Variants in KHDRBS2 observed in about 807,000 individuals in gnomAD.
The protein encoded by KHDRBS2 is KH domain-containing, RNA-binding, signal transduction-associated protein 2.
Under a neutral mutation model 44.3 loss-of-function variants are expected in KHDRBS2, and 26 were observed. That is an observed-to-expected ratio of 0.59 (90% CI 0.43 to 0.81). The LOEUF (loss-of-function observed/expected upper bound fraction) is 0.81, where lower values mean the gene tolerates loss of function less well. Among genes scored for constraint, KHDRBS2 ranks in the 40% least tolerant of loss-of-function variants. KHDRBS2 has a pLI of 0.00. For missense variants in KHDRBS2, 476 were observed against 433.1 expected (o/e 1.10, Z -0.88); for synonymous variants, 194 against 151.1 (o/e 1.28, Z -2.08).
chr6:62,169,178 T>TACGTATACATATACGTATATATAC (rs1562992065), intron 2 of KHDRBS2, among the ~76,000 whole-genome samples: 1 of 143,538 alleles, frequency 7.0e-6, no homozygotes, highest in Non-Finnish European at 1.5e-5. Flanking sequence ...TATGTATATA[T>TACGTATACATATACGTATATATAC]GTATATATAC....
At chr6:62,043,705 C>T (rs1027990233) in intron 3 of KHDRBS2, among the ~76,000 whole-genome samples, 3 of 151,838 alleles carry the variant, frequency 2.0e-5, no homozygotes, top group African/African-American at 7.3e-5. Flanking sequence ...GTAATGTTTC[C>T]CCAACACGAG....
chr6:61,864,284 A>G (rs1797465094), intron 6 of KHDRBS2, among the ~76,000 whole-genome samples: 1 of 152,134 alleles, frequency 6.6e-6, no homozygotes, highest in South Asian at 2.1e-4. Context: ...ATTTAAGGAT[A>G]GTATTGTTAT....
intron 1 of KHDRBS2, among the ~76,000 whole-genome samples, chr6:62,279,824 C>T (rs915455172): frequency 3.3e-5 from 5 of 152,130 alleles, no homozygotes; most frequent in Admixed American, 6.5e-5. Context: ...TATTCACATG[C>T]GGAAGAGGTA....
At chr6:61,631,620 C>T in the KHDRBS2 span, among the ~76,000 whole-genome samples, 1 of 151,996 alleles carries the variant, frequency 6.6e-6, no homozygotes, top group African/African-American at 2.4e-5. Flanking sequence ...AATAGGAGAT[C>T]ATTTAAATTT....
the KHDRBS2 span, among the ~76,000 whole-genome samples, chr6:61,632,373 C>G: frequency 6.6e-6 from 1 of 152,038 alleles, no homozygotes; most frequent in African/African-American, 2.4e-5. Flanking sequence ...AGACTTTATA[C>G]TTCATGCATT....
chr6:61,724,346 C>T (rs567576570), intron 7 of KHDRBS2, among the ~76,000 whole-genome samples: 1 of 152,208 alleles, frequency 6.6e-6, no homozygotes, highest in Non-Finnish European at 1.5e-5. Flanking sequence ...AAACCATTAC[C>T]AGCCACTGTA....
chr6:62,285,878 G>A lies in KHDRBS2; in HGVS notation c.71C>T (p.Ala24Val), dbSNP rs372434154. 6.2e-7 allele frequency: 1 copy of A among 1,612,890 alleles called. No homozygotes were observed. The highest frequency in any genetic ancestry group is 1.3e-5 in the African/African-American group (1 of 74,924). ...KDSLDPSFVH[A>V]SRLLAEEIEK... ...CCTACCTTCTGCCAAAAGGCGCGAC[G>A]CATGCACAAAAGATGGATCCAGGCT... The change falls in exon 1 of 9, where the codon GCG (alanine) becomes GTG (valine). Residue 24 changes from alanine (A) to valine (V), a missense_variant. Physicochemically the swap from Ala to Val is moderately conservative, Grantham distance 64. Transcript: ENST00000281156.
intron 1 of KHDRBS2, among the ~76,000 whole-genome samples, chr6:62,213,782 G>A (rs994866494): frequency 1.3e-5 from 2 of 148,946 alleles, no homozygotes; most frequent in Non-Finnish European, 3.0e-5. Flanking sequence ...GCTGAGGCAG[G>A]AGGATGGCGT....
intron 7 of KHDRBS2, among the ~76,000 whole-genome samples, chr6:61,729,033 T>C (rs1396652661): frequency 6.6e-6 from 1 of 152,124 alleles, no homozygotes; most frequent in Non-Finnish European, 1.5e-5. Flanking sequence ...CACTTGTATG[T>C]TTATTGCAGC....
intron 7 of KHDRBS2, among the ~76,000 whole-genome samples, chr6:61,708,156 TG>T (rs1477146705): frequency 6.6e-6 from 1 of 151,652 alleles, no homozygotes; most frequent in African/African-American, 2.4e-5. Context: ...CTCACATGTG[TG>T]ATTATTTGCT....
chr6:62,100,260 T>C (rs1359669692), intron 2 of KHDRBS2, among the ~76,000 whole-genome samples: 2 of 152,194 alleles, frequency 1.3e-5, no homozygotes, highest in Non-Finnish European at 2.9e-5. Flanking sequence ...ATGATAAAAC[T>C]TAAATGGATG....
At chr6:61,608,642 T>C in the KHDRBS2 span, among the ~76,000 whole-genome samples, 2 of 147,040 alleles carry the variant, frequency 1.4e-5, no homozygotes, top group African/African-American at 2.5e-5. Context: ...TCTGTGTCCA[T>C]GTGTTCTCAT....
intron 4 of KHDRBS2, among the ~76,000 whole-genome samples, chr6:61,931,408 A>G (rs1223910736): frequency 2.6e-5 from 4 of 152,002 alleles, no homozygotes; most frequent in Admixed American, 1.3e-4. Context: ...GGACTTAAAA[A>G]CTATATAAAA....
the KHDRBS2 span, among the ~76,000 whole-genome samples, chr6:61,595,782 TAAAC>T: frequency 3.4e-3 from 522 of 151,920 alleles, 4 homozygotes; most frequent in African/African-American, 0.012. Context: ...TCAAAGTATA[TAAAC>T]AAACATATTA....
intron 2 of KHDRBS2, among the ~76,000 whole-genome samples, chr6:62,101,167 T>C (rs1801803382): frequency 2.0e-5 from 3 of 152,304 alleles, no homozygotes; most frequent in South Asian, 2.1e-4. Flanking sequence ...TATGAAAATC[T>C]AGGCTTGCAC....
the KHDRBS2 span, among the ~76,000 whole-genome samples, chr6:61,567,232 A>G: frequency 1.3e-5 from 2 of 152,238 alleles, no homozygotes; most frequent in African/African-American, 2.4e-5. Flanking sequence ...GGGAAAAAAA[A>G]GAATTTACAG....
intron 7 of KHDRBS2, among the ~76,000 whole-genome samples, chr6:61,721,092 T>C (rs952624994): frequency 1.4e-3 from 213 of 152,064 alleles, no homozygotes; most frequent in Non-Finnish European, 2.1e-3. Flanking sequence ...TAGTTGTGGA[T>C]ATGCGGCATT....
chr6:61,773,909 C>T (rs1043124698), intron 6 of KHDRBS2, among the ~76,000 whole-genome samples: 128 of 151,746 alleles, frequency 8.4e-4, no homozygotes, highest in African/African-American at 3.1e-3. Flanking sequence ...GAATCCTTTC[C>T]CCATTGCTTG....
intron 4 of KHDRBS2, among the ~76,000 whole-genome samples, chr6:61,927,766 C>T (rs1406956380): frequency 1.3e-5 from 2 of 152,018 alleles, no homozygotes; most frequent in East Asian, 3.9e-4. Flanking sequence ...ATGCATAATA[C>T]CATATAATGC....
Sources: gnomAD v4.1 joint callset for allele counts (sites outside exome capture counted in the v4.1 genomes callset) on GRCh38, gnomAD v4.1.1 for gene constraint, MANE v1.5 for transcripts, NCBI Gene and HGNC (gene_info 2026-07-23, HGNC 2026-07-21) for gene names.